MCM3: variants seen among roughly 807,000 people sequenced by gnomAD.
MCM3 encodes the protein minichromosome maintenance complex component 3.
MCM3 carries 59 observed loss-of-function variants against 91.3 expected under a neutral mutation model. The observed-to-expected ratio is 0.65, with a 90% CI of 0.52 to 0.80. MCM3 has a LOEUF of 0.80. Ranked by LOEUF, MCM3 falls within the 30% of genes least tolerant of loss-of-function variation. The pLI is 0.00. For synonymous variants in MCM3, 383 were observed against 379.6 expected, an observed-to-expected ratio of 1.01 and a Z score of -0.10; for missense variants, 919 against 1,035.4, an observed-to-expected ratio of 0.89 and a Z score of 1.54.
rs111353389 is a variant in MCM3, at chr6:52,283,795, A to T, written c.79-389T>A. ...TGTGAATGTTAAAGGTAACAACGTG[A>T]ATAGATGGATATGTTGTTTCACTGT... On this transcript the variant is annotated intron_variant, in intron 1 of 16. Transcript: ENST00000596288. Among the ~76,000 whole-genome samples, 123 of 152,388 alleles carry T rather than the reference A, an allele frequency of 8.1e-4. 3 individuals carry two copies. The highest frequency in any genetic ancestry group is 2.5e-3 in the African/African-American group (103 of 41,598).
intron 6 of MCM3, 119 bp from the exon 7 acceptor site, chr6:52,277,807 G>A (rs1443069267): frequency 1.2e-5 from 10 of 844,462 alleles, no homozygotes; most frequent in Non-Finnish European, 1.7e-5. Context: ...AGTGGCTCAG[G>A]TCTGTAATCC....
chr6:52,268,043 C>T (rs200681036), intron 13 of MCM3, 75 bp from the exon 14 acceptor site: 18 of 1,607,084 alleles, frequency 1.1e-5, no homozygotes, highest in Non-Finnish European at 1.4e-5. Context: ...CTCCCAGTCC[C>T]TTCTGCATCA....
intron 9 of MCM3, among the ~76,000 whole-genome samples, chr6:52,275,442 A>T (rs1163987324): frequency 6.6e-6 from 1 of 152,250 alleles, no homozygotes; most frequent in African/African-American, 2.4e-5. Context: ...GGAGTTGGTA[A>T]ATACAAAGCA....
intron 2 of MCM3, 44 bp downstream of exon 2, chr6:52,283,250 G>A: frequency 6.6e-7 from 1 of 1,511,452 alleles, no homozygotes; most frequent in South Asian, 1.1e-5. Context: ...AAGAGGGAAG[G>A]GAGCCATTCT....
chr6:52,264,922 CCT>C (rs773714760), intron 16 of MCM3, 136 bp from the exon 17 acceptor site: 31 of 714,306 alleles, frequency 4.3e-5, no homozygotes, highest in Non-Finnish European at 6.9e-5. Flanking sequence ...CACACATCTG[CCT>C]CTGATGGCAG....
Position 52,266,607 on chromosome 6 carries a change from T to C in MCM3, c.2158+4A>G, listed in dbSNP as rs376161622. The C allele has an allele frequency of 2.8e-5, 45 of 1,613,422 alleles. No homozygotes were observed. In the African/African-American group the frequency reaches 5.5e-4, roughly 20 times the overall value. Reference sequence around the variant, plus strand: ...CTCTTTCATCAGTAAGTGGGCTCACTCACCTTGAGGCATTTCCTCCTCTGT... The same window carrying C: ...CTCTTTCATCAGTAAGTGGGCTCACCCACCTTGAGGCATTTCCTCCTCTGT... On this transcript the variant is annotated splice_donor_region_variant and intron_variant, in intron 15 of 16. Transcript: ENST00000596288.
intron 6 of MCM3, 79 bp from the exon 7 acceptor site, chr6:52,277,767 T>G: frequency 2.2e-5 from 30 of 1,345,840 alleles, no homozygotes; most frequent in South Asian, 2.7e-5. Context: ...TACTTTGGCC[T>G]ATAGAAAATA....
In MCM3 at chr6:52,273,272, T is replaced by C. The variant is rs1396586594; in HGVS notation, c.1634A>G (p.Tyr545Cys). The C allele has an allele frequency of 1.2e-6, 2 of 1,614,242 alleles. No homozygotes were observed. The highest frequency in any genetic ancestry group is 1.7e-6 in the Non-Finnish European group (2 of 1,180,030). The change falls in exon 11 of 17, where the codon TAT (tyrosine) becomes TGT (cysteine). Residue 545 changes from tyrosine to cysteine, a missense_variant. Transcript: ENST00000596288. ...ATGTAGAAGGTTGTCATGCTTCTCA[T>C]AAATCTGGGTGTCCTGCTGATCTTC... ...SQEDQQDTQI[Y>C]EKHDNLLHGT...
At chr6:52,268,678 G>A (rs1280469679) in intron 13 of MCM3, among the ~76,000 whole-genome samples, 1 of 152,170 alleles carries the variant, frequency 6.6e-6, no homozygotes, top group Admixed American at 6.5e-5. Flanking sequence ...AGCTTCTGAG[G>A]TGCCAATGGG....
chr6:52,270,852 A>G (rs1765072285), intron 12 of MCM3, among the ~76,000 whole-genome samples: 1 of 152,236 alleles, frequency 6.6e-6, no homozygotes, highest in Non-Finnish European at 1.5e-5. Context: ...AAGTTGTGGG[A>G]AAATAGGTTT....
Position 52,275,978 on chromosome 6 carries a change from G to A in MCM3, c.1374+290C>T, listed in dbSNP as rs151330767. ...ACCTGTTCTGTTTAGAAATTCTCCCGCCACATGCATGTAGTCCTTTTATTT... is the reference window on the plus strand; with the variant it reads ...ACCTGTTCTGTTTAGAAATTCTCCCACCACATGCATGTAGTCCTTTTATTT... On this transcript the variant is annotated intron_variant, in intron 9 of 16. Transcript: ENST00000596288. The A allele has an allele frequency of 1.3e-4, 42 of 326,304 alleles. No homozygotes were observed. The East Asian group carries it at 2.5e-3, about 19-fold the overall frequency. The allele number at this position is 326,304 out of a possible 1,614,324, so 20.2% of individuals were successfully genotyped here.
chr6:52,271,407 C>T (rs1278526822), intron 12 of MCM3, among the ~76,000 whole-genome samples: 1 of 152,172 alleles, frequency 6.6e-6, no homozygotes, highest in Admixed American at 6.5e-5. Context: ...CTTTGGGAGG[C>T]CAAGCCGGGC....
At chr6:52,282,347 A>AT (rs771272422) in intron 3 of MCM3, among the ~76,000 whole-genome samples, 172 bp from the exon 4 acceptor site, 7 of 152,072 alleles carry the variant, frequency 4.6e-5, no homozygotes, top group Admixed American at 6.6e-5. Context: ...GACCACCACC[A>AT]TATCCATGTA....
Position 52,282,711 on chromosome 6 carries a change from C to A in MCM3, c.342G>T (p.Arg114=). The A allele has an allele frequency of 1.2e-6, 2 of 1,613,974 alleles. No individual in the cohort carries two copies. Among genetic ancestry groups the A allele is most frequent in the South Asian group, 2.2e-5 (2 of 91,068 alleles). ...AGCTGAGGAAGCAGGAGGTAAGAGTCCGCGGGGAGACGTGCTTGGAGCCAA... is the reference window on the plus strand; with the variant it reads ...AGCTGAGGAAGCAGGAGGTAAGAGTACGCGGGGAGACGTGCTTGGAGCCAA... ...GSFGSKHVSP[R]TLTSCFLSCV... The change falls in exon 3 of 17, where the codon CGG becomes CGT. Residue 114 remains arginine, a synonymous_variant. Transcript: ENST00000596288.
intron 12 of MCM3, among the ~76,000 whole-genome samples, chr6:52,269,849 A>T (rs1037672175): frequency 1.3e-5 from 2 of 152,214 alleles, no homozygotes; most frequent in Admixed American, 6.5e-5. Context: ...TGACCTAATC[A>T]ATCAGAATGA....
chr6:52,273,954 C>T, intron 9 of MCM3, 38 bp from the exon 10 acceptor site: 1 of 1,529,040 alleles, frequency 6.5e-7, no homozygotes, highest in Non-Finnish European at 8.9e-7. Context: ...GACATGACAT[C>T]AATAGGAAGA....
In MCM3 at chr6:52,264,619, A is replaced by G; in HGVS notation, c.2396T>C (p.Met799Thr). The G allele has an allele frequency of 6.2e-7, 1 of 1,614,196 alleles. No individual in the cohort carries two copies. The highest frequency in any genetic ancestry group is 8.5e-7 in the Non-Finnish European group (1 of 1,180,038). The change falls in exon 17 of 17, where the codon ATG becomes ACG. Residue 799 changes from methionine (M) to threonine (T), a missense_variant. Met to Thr is a moderately conservative substitution (Grantham distance 81, BLOSUM62 -1). Transcript: ENST00000596288. Reference protein sequence around the residue: ...LSKMQDDNQVMVSEGIIFLI With the variant: ...LSKMQDDNQVTVSEGIIFLI Reference sequence around the variant, plus strand: ...GAGGAAGATGATGCCCTCAGACACCATGACCTGATTGTCATCCTGCATCTT... The same window carrying G: ...GAGGAAGATGATGCCCTCAGACACCGTGACCTGATTGTCATCCTGCATCTT...
In MCM3 at chr6:52,264,260, C is replaced by T; in HGVS notation, c.*328G>A. The stretch of plus-strand genomic sequence containing the variant: ...ACAGCAAACAGAAAACAGTTGTGCC[C>T]CCAAAAGTACTCAGAAGTCATATGT... On this transcript the variant is annotated 3_prime_UTR_variant, in exon 17 of 17. Transcript: ENST00000596288. The T allele has an allele frequency of 3.9e-6, 1 of 253,246 alleles. No individual in the cohort carries two copies. 15.7% of individuals were successfully genotyped at this position (253,246 alleles called of 1,614,324 possible).
At position 52,277,669 on chromosome 6, in the gene MCM3, G is replaced by A; in HGVS notation, c.899C>T (p.Ala300Val). ...TRSKDIFDQL[A>V]KSLAPSIHGH... is the part of the protein sequence containing the mutation. Reference sequence around the variant, plus strand: ...ATGGATACTTGGGGCCAATGACTTGGCCAGCTGGTCAAAGATATCCTACAG... The same window carrying A: ...ATGGATACTTGGGGCCAATGACTTGACCAGCTGGTCAAAGATATCCTACAG... Residue 300 changes from alanine (A) to valine (V), a missense_variant, in exon 7 of 17, where the codon GCC becomes GTC. Ala to Val is a moderately conservative substitution (Grantham distance 64). This residue lies in a region of MCM3 where 401 missense variants were observed against 402.7 expected (regional missense o/e 1.00). Coordinates refer to ENST00000596288, the MANE Select transcript of MCM3 (RefSeq NM_002388.6). The A allele has an allele frequency of 1.9e-6, 3 of 1,613,934 alleles. No individual in the cohort carries two copies. Among genetic ancestry groups the A allele is most frequent in the Non-Finnish European group, 2.5e-6 (3 of 1,179,948 alleles).
Sources: gnomAD v4.1 joint callset for allele counts (sites outside exome capture counted in the v4.1 genomes callset) on GRCh38, gnomAD v4.1.1 for gene constraint, gnomAD v4.1.1 regional missense constraint, MANE v1.5 for transcripts, NCBI Gene and HGNC (gene_info 2026-07-23, HGNC 2026-07-21) for gene names.